Variants in SDK1 observed in about 807,000 individuals in gnomAD.
SDK1 encodes sidekick cell adhesion molecule 1, also known as protein sidekick-1.
SDK1 carries 157 observed loss-of-function variants against 245.5 expected under a neutral mutation model. That is an observed-to-expected ratio of 0.64 (90% CI 0.56 to 0.73). The LOEUF (loss-of-function observed/expected upper bound fraction) is 0.73. SDK1 is among the 30% of genes least tolerant of loss of function. The pLI is 0.00. For missense variants in SDK1, 3,583 were observed against 3,002.3 expected (o/e 1.19, Z -4.52); for synonymous variants, 1,647 against 1,278.5 (o/e 1.29, Z -6.15).
intron 1 of SDK1, among the ~76,000 whole-genome samples, chr7:3,388,153 C>T (rs1049192756): frequency 3.9e-5 from 6 of 152,120 alleles, no homozygotes; most frequent in Non-Finnish European, 4.4e-5. Flanking sequence ...AGAGTAGCTT[C>T]TCTAGTCTTC....
chr7:3,529,091 A>T (rs1182216206), intron 1 of SDK1, among the ~76,000 whole-genome samples: 1 of 152,116 alleles, frequency 6.6e-6, no homozygotes, highest in Non-Finnish European at 1.5e-5. Flanking sequence ...CAGATAAGGG[A>T]TTTATAAATG....
intron 4 of SDK1, among the ~76,000 whole-genome samples, chr7:3,697,133 G>A (rs1784597723): frequency 6.6e-6 from 1 of 152,176 alleles, no homozygotes; most frequent in African/African-American, 2.4e-5. Flanking sequence ...AAAAGTAGGG[G>A]AAGTGAATGA....
chr7:4,134,009 C>T (rs988902473), intron 28 of SDK1, among the ~76,000 whole-genome samples: 1 of 152,166 alleles, frequency 6.6e-6, no homozygotes, highest in African/African-American at 2.4e-5. Flanking sequence ...TGAACGGCAG[C>T]AGGAATTCAT....
chr7:4,161,517 G>A (rs902622724), intron 31 of SDK1, among the ~76,000 whole-genome samples: 3 of 152,178 alleles, frequency 2.0e-5, no homozygotes, highest in African/African-American at 7.2e-5. Flanking sequence ...TCACTGGAGG[G>A]GTGGCTCTCG....
intron 34 of SDK1, among the ~76,000 whole-genome samples, chr7:4,176,441 C>T (rs554698562): frequency 6.6e-6 from 1 of 152,256 alleles, no homozygotes; most frequent in African/African-American, 2.4e-5. Context: ...GATGCTAGGG[C>T]TATAGGCGTG....
intron 22 of SDK1, among the ~76,000 whole-genome samples, chr7:4,097,960 G>A (rs1442344733): frequency 1.4e-5 from 2 of 139,230 alleles, no homozygotes; most frequent in Admixed American, 6.9e-5. Context: ...CTCATTTTTT[G>A]TTCTGGTGTA....
intron 4 of SDK1, among the ~76,000 whole-genome samples, chr7:3,701,903 G>C (rs1188489892): frequency 7.7e-6 from 1 of 130,384 alleles, no homozygotes; most frequent in Non-Finnish European, 1.6e-5. Flanking sequence ...AATGCTGCTA[G>C]AGTGGTTGGA....
intron 14 of SDK1, among the ~76,000 whole-genome samples, chr7:4,008,533 C>G (rs1785677934): frequency 6.6e-6 from 1 of 151,922 alleles, no homozygotes; most frequent in South Asian, 2.1e-4. Context: ...TCCCGGTTGG[C>G]TGAACCTTTG....
chr7:4,228,046 C>T (rs866430252), intron 40 of SDK1, among the ~76,000 whole-genome samples: 3 of 152,164 alleles, frequency 2.0e-5, no homozygotes, highest in East Asian at 3.9e-4. Flanking sequence ...CAAATCACGC[C>T]GTAAAAAATG....
intron 14 of SDK1, among the ~76,000 whole-genome samples, chr7:4,002,594 C>G (rs1198916297): frequency 2.0e-5 from 3 of 152,190 alleles, no homozygotes; most frequent in Non-Finnish European, 4.4e-5. Flanking sequence ...CCTTCCCATA[C>G]TCTTTATTTT....
chr7:3,679,952 G>A (rs761018464), intron 4 of SDK1, among the ~76,000 whole-genome samples: 16 of 152,066 alleles, frequency 1.1e-4, no homozygotes, highest in Non-Finnish European at 1.3e-4. Context: ...AAATGCACAC[G>A]CAAATGTTCA....
chr7:3,983,445 C>T (rs10085646), intron 13 of SDK1, among the ~76,000 whole-genome samples: 71,755 of 152,016 alleles, frequency 0.47, 18,156 homozygotes, highest in South Asian at 0.69. Flanking sequence ...AGCAAAAAGA[C>T]TGTGACTCAC....
Position 3,963,220 on chromosome 7 carries a change from C to T in SDK1, c.1429+369C>T, listed in dbSNP as rs535637374. On this transcript the variant is annotated intron_variant, in intron 9 of 44. Coordinates refer to ENST00000404826, the MANE Select transcript of SDK1 (RefSeq NM_152744.4). ...CAGGCTCACAGCTACCTGACCTGGA[C>T]GTATCCAGTGAGTACATTCAGCCCC... Among the ~76,000 whole-genome samples, 3 of 55,428 alleles carry T rather than the reference C, an allele frequency of 5.4e-5. No individual in the cohort carries two copies. The South Asian group carries it at 2.4e-3, about 45-fold the overall frequency. The allele number at this position is 55,428 out of a possible 152,430, so 36.4% of individuals were successfully genotyped here. A position where few individuals can be genotyped will look rare whatever the true frequency, so the allele number is the denominator to read the frequency against.
chr7:4,156,109 G>A (rs1241106736), intron 30 of SDK1, among the ~76,000 whole-genome samples: 2 of 152,152 alleles, frequency 1.3e-5, no homozygotes. Context: ...GGAAACTGAG[G>A]CAAAGTATGC....
chr7:3,469,436 T>A (rs917068353), intron 1 of SDK1, among the ~76,000 whole-genome samples: 3 of 152,154 alleles, frequency 2.0e-5, no homozygotes, highest in Non-Finnish European at 4.4e-5. Context: ...CTCTTAAAAA[T>A]AAATAAGAAA....
chr7:4,173,613 T>C (rs1262369615), intron 32 of SDK1, among the ~76,000 whole-genome samples: 1 of 152,184 alleles, frequency 6.6e-6, no homozygotes, highest in Non-Finnish European at 1.5e-5. Context: ...GAGAGCTGGA[T>C]GGCAAGGGTG....
intron 20 of SDK1, among the ~76,000 whole-genome samples, chr7:4,074,378 C>T (rs1263130155): frequency 1.3e-5 from 2 of 152,278 alleles, no homozygotes; most frequent in African/African-American, 2.4e-5. Context: ...CCTTCATCCA[C>T]TGAGGGCTGT....
At chr7:4,221,597 C>T (rs999556688) in intron 40 of SDK1, among the ~76,000 whole-genome samples, 3 of 152,108 alleles carry the variant, frequency 2.0e-5, no homozygotes, top group Non-Finnish European at 4.4e-5. Flanking sequence ...ATGTTTTAGC[C>T]CCAGGACACT....
chr7:4,237,895 C>A, intron 42 of SDK1, 111 bp downstream of exon 42: 1 of 1,278,112 alleles, frequency 7.8e-7, no homozygotes, highest in Non-Finnish European at 1.1e-6. Flanking sequence ...ATTTCATTTG[C>A]TTGTAGGTGC....
Sources: gnomAD v4.1 joint callset for allele counts (sites outside exome capture counted in the v4.1 genomes callset) on GRCh38, gnomAD v4.1.1 for gene constraint, MANE v1.5 for transcripts, NCBI Gene and HGNC (gene_info 2026-07-23, HGNC 2026-07-21) for gene names.